UBE3A: variants seen among roughly 807,000 people sequenced by gnomAD.
UBE3A encodes the protein ubiquitin-protein ligase E3A.
A neutral mutation model predicts 83.4 loss-of-function variants in UBE3A; 6 were observed. The ratio of observed to expected loss-of-function variants is 0.07; its 90% confidence interval spans 0.04 to 0.14. The LOEUF (loss-of-function observed/expected upper bound fraction) is 0.14, where lower values mean the gene tolerates loss of function less well. Among genes scored for constraint, UBE3A ranks in the 10% least tolerant of loss-of-function variants. The pLI is 1.00. For synonymous variants in UBE3A, 337 were observed against 355.4 expected (o/e 0.95, Z 0.58); for missense variants, 456 against 1,036.1 (o/e 0.44, Z 7.69).
Position 25,360,507 on chromosome 15 carries a change from T to C in UBE3A, c.1629A>G (p.Glu543=). ...ACTGCTTCTTCAAGTCTGCAGGATT[T>C]TCCATAGCGATCATCTCTAGCTAGT... ...ALVRLEMIAM[E]NPADLKKQLY... The change falls in exon 7 of 13, where the codon GAA becomes GAG. Residue 543 remains glutamate (E), a synonymous_variant. Coordinates refer to ENST00000648336, the MANE Select transcript of UBE3A (RefSeq NM_130839.5). The C allele has an allele frequency of 1.2e-6, 2 of 1,613,742 alleles. No homozygotes were observed. Among genetic ancestry groups the C allele is most frequent in the Non-Finnish European group, 1.7e-6 (2 of 1,179,916 alleles).
At chr15:25,412,851 T>C (rs774660965) in intron 1 of UBE3A, among the ~76,000 whole-genome samples, 2 of 152,350 alleles carry the variant, frequency 1.3e-5, no homozygotes, top group East Asian at 1.9e-4. Context: ...CAGTCTATAA[T>C]AGAATTACCT....
rs2152819123 is a variant in UBE3A, at chr15:25,370,468, A to G, written c.1608+98T>C. ...AGAAATGTCCATGTGTTCCTATGCT[A>G]TATGGTATCATTTTTTTCAGTCACT... On this transcript the variant is annotated intron_variant, in intron 6 of 12. Transcript: ENST00000648336. The surrounding 1 kb of genome is among the most constrained non-coding windows in gnomAD (Gnocchi z 4.2). 3.6e-6 allele frequency: 5 copies of G among 1,394,114 alleles called. No individual in the cohort carries two copies. In the East Asian group the frequency reaches 9.1e-5, roughly 25 times the overall value. The allele number at this position is 1,394,114 out of a possible 1,614,324, so 86.4% of individuals were successfully genotyped here.
chr15:25,367,656 A>G (rs2079548045), intron 6 of UBE3A, among the ~76,000 whole-genome samples: 3 of 151,994 alleles, frequency 2.0e-5, no homozygotes, highest in Non-Finnish European at 4.4e-5. Context: ...AATTGCTGGT[A>G]TTTTTCTGTC....
intron 4 of UBE3A, among the ~76,000 whole-genome samples, chr15:25,377,994 T>C (rs1435284237): frequency 6.6e-6 from 1 of 152,158 alleles, no homozygotes; most frequent in East Asian, 1.9e-4. Context: ...TAAAACTTCT[T>C]CCATCTTTTG....
At chr15:25,384,892 T>G (rs1029187341) in intron 4 of UBE3A, among the ~76,000 whole-genome samples, 1 of 152,164 alleles carries the variant, frequency 6.6e-6, no homozygotes, top group Non-Finnish European at 1.5e-5. Context: ...TTGGGAAATC[T>G]GGAATCTAAC....
At chr15:25,353,937 G>GAATT (rs2076877418) in intron 11 of UBE3A, 1 of 239,910 alleles carries the variant, frequency 4.2e-6, no homozygotes, top group Non-Finnish European at 8.2e-6. Flanking sequence ...ATTATCTTAA[G>GAATT]AATTAAATAA....
intron 5 of UBE3A, among the ~76,000 whole-genome samples, chr15:25,372,289 A>G (rs1291702867): frequency 2.6e-5 from 4 of 152,218 alleles, no homozygotes; most frequent in African/African-American, 7.2e-5. Flanking sequence ...AGGCTCCTTC[A>G]GCATCTATGT....
At chr15:25,427,795 GAAAAAAAA>G (rs71127058) in intron 1 of UBE3A, among the ~76,000 whole-genome samples, 1 of 77,406 alleles carries the variant, frequency 1.3e-5, no homozygotes, top group Non-Finnish European at 2.4e-5. Flanking sequence ...CTGTCTCCTG[GAAAAAAAA>G]AAAAAAAAAA....
chr15:25,386,769 A>C (rs1303565167), intron 4 of UBE3A, among the ~76,000 whole-genome samples: 1 of 152,148 alleles, frequency 6.6e-6, no homozygotes, highest in Non-Finnish European at 1.5e-5. Flanking sequence ...TGTGACTTCC[A>C]ACAAGAAAAA....
chr15:25,385,313 T>C (rs1030740898), intron 4 of UBE3A, among the ~76,000 whole-genome samples: 3 of 152,108 alleles, frequency 2.0e-5, no homozygotes, highest in Admixed American at 1.3e-4. Context: ...CCAAAGAATA[T>C]ATACAAATGG....
chr15:25,349,702 C>CT (rs938978177), intron 11 of UBE3A, among the ~76,000 whole-genome samples: 1 of 152,076 alleles, frequency 6.6e-6, no homozygotes, highest in African/African-American at 2.4e-5. Flanking sequence ...AAATTCTTTC[C>CT]TTAAAGGAAG....
intron 9 of UBE3A, 55 bp downstream of exon 9, chr15:25,355,837 C>G: frequency 6.7e-7 from 1 of 1,494,116 alleles, no homozygotes. Flanking sequence ...TATAAGCATA[C>G]ATGCTTTGAA....
At chr15:25,349,735 A>G (rs1170160486) in intron 11 of UBE3A, among the ~76,000 whole-genome samples, 1 of 152,182 alleles carries the variant, frequency 6.6e-6, no homozygotes, top group South Asian at 2.1e-4. Flanking sequence ...TCTCTTTGGC[A>G]TATATATTCG....
intron 4 of UBE3A, among the ~76,000 whole-genome samples, chr15:25,390,877 G>A (rs1334326595): frequency 2.6e-5 from 4 of 151,626 alleles, no homozygotes; most frequent in Non-Finnish European, 5.9e-5. Flanking sequence ...ACATGTGTGT[G>A]GAAGGAGGTA....
intron 4 of UBE3A, among the ~76,000 whole-genome samples, chr15:25,386,321 A>T (rs951570385): frequency 3.3e-5 from 5 of 152,214 alleles, no homozygotes; most frequent in African/African-American, 1.2e-4. Context: ...CAAGCTATCA[A>T]GAAAAAAATT....
chr15:25,404,160 A>T (rs2087865162), intron 4 of UBE3A, among the ~76,000 whole-genome samples: 1 of 152,244 alleles, frequency 6.6e-6, no homozygotes, highest in Admixed American at 6.5e-5. Context: ...CATAAATTTG[A>T]GAAATACATT....
At chr15:25,437,461 A>T (rs11161177) in intron 1 of UBE3A, among the ~76,000 whole-genome samples, 147,447 of 152,268 alleles carry the variant, frequency 0.97, 71,563 homozygotes, top group East Asian at 1. Context: ...CCCAAAAAAA[A>T]CTGTAATAAT....
chr15:25,356,981 T>A, intron 7 of UBE3A, 85 bp from the exon 8 acceptor site: 1 of 1,156,858 alleles, frequency 8.6e-7, no homozygotes, highest in Non-Finnish European at 1.3e-6. Flanking sequence ...TTAAAATAAT[T>A]ATGCATATAA....
intron 1 of UBE3A, among the ~76,000 whole-genome samples, chr15:25,414,051 T>C (rs1431319489): frequency 5.3e-5 from 8 of 152,174 alleles, no homozygotes; most frequent in Non-Finnish European, 2.9e-5. Context: ...ACTCTGTATC[T>C]TTAAGTCCTT....
Sources: gnomAD v4.1 joint callset for allele counts (sites outside exome capture counted in the v4.1 genomes callset) on GRCh38, gnomAD v4.1.1 for gene constraint, Gnocchi (gnomAD v3.1) non-coding constraint, MANE v1.5 for transcripts, NCBI Gene and HGNC (gene_info 2026-07-23, HGNC 2026-07-21) for gene names.